TRERF1: variants seen among roughly 807,000 people sequenced by gnomAD.
The protein encoded by TRERF1 is transcriptional regulating factor 1, also known as transcriptional-regulating factor 1.
A neutral mutation model predicts 122.9 loss-of-function variants in TRERF1; 27 were observed. The ratio of observed to expected loss-of-function variants is 0.22; its 90% CI spans 0.16 to 0.30. TRERF1 has a LOEUF of 0.30. TRERF1 is among the 10% of genes least tolerant of loss of function. The pLI, the probability that TRERF1 is intolerant of heterozygous loss-of-function variation, is 1.00. For synonymous variants in TRERF1, 636 were observed against 641.7 expected (o/e 0.99, Z 0.13); for missense variants, 1,248 against 1,560.3 (o/e 0.80, Z 3.37).
At chr6:42,251,152 T>C (rs1775730916) in intron 13 of TRERF1, among the ~76,000 whole-genome samples, 1 of 152,030 alleles carries the variant, frequency 6.6e-6, no homozygotes, top group Non-Finnish European at 1.5e-5. Context: ...TGCACCACTA[T>C]GCCTGGCTAA....
chr6:42,395,384 T>C (rs1173722618), intron 2 of TRERF1, among the ~76,000 whole-genome samples: 1 of 152,160 alleles, frequency 6.6e-6, no homozygotes, highest in Non-Finnish European at 1.5e-5. Context: ...GATCTGGCTC[T>C]TGCAGTATTC....
chr6:42,264,634 T>C (rs918514108), intron 7 of TRERF1, 70 bp downstream of exon 7: 13 of 1,576,764 alleles, frequency 8.2e-6, no homozygotes, highest in Non-Finnish European at 1.1e-5. Flanking sequence ...CATCACTCTC[T>C]GTCTGACGGC....
At chr6:42,317,671 G>C (rs752582499) in intron 3 of TRERF1, among the ~76,000 whole-genome samples, 3 of 151,642 alleles carry the variant, frequency 2.0e-5, no homozygotes, top group African/African-American at 4.8e-5. Flanking sequence ...TAAAATAACA[G>C]TCTTCTCCAC....
At position 42,302,897 on chromosome 6, in the gene TRERF1, T is replaced by C. The variant is rs535020670; in HGVS notation, c.-370-2148A>G. ...AGAGGCGTGAGCTCTTGGAACTGCT[T>C]GTCTTATGGGCAAGAGTTTGTCTTA... On this transcript the variant is annotated intron_variant, in intron 3 of 17. Transcript: ENST00000372922. Among the ~76,000 whole-genome samples, 5 of 152,332 alleles carry C rather than the reference T, an allele frequency of 3.3e-5. No individual in the cohort carries two copies. In the South Asian group the frequency reaches 1.0e-3, roughly 32 times the overall value.
chr6:42,430,359 C>G (rs1314638901), intron 2 of TRERF1, among the ~76,000 whole-genome samples: 1 of 152,116 alleles, frequency 6.6e-6, no homozygotes, highest in Non-Finnish European at 1.5e-5. Context: ...CTACTGCCCC[C>G]CAAAATCAGT....
chr6:42,450,731 C>A (rs1788328206), intron 2 of TRERF1, among the ~76,000 whole-genome samples: 1 of 152,182 alleles, frequency 6.6e-6, no homozygotes. Context: ...AACAGGTTTA[C>A]CCCCTTACAC....
Position 42,259,761 on chromosome 6 carries a change from C to T in TRERF1, c.1885-38G>A. The T allele has an allele frequency of 6.3e-7, 1 of 1,598,624 alleles. No individual in the cohort carries two copies. The highest frequency in any genetic ancestry group is 8.5e-7 in the Non-Finnish European group (1 of 1,179,448). On this transcript the variant is annotated intron_variant, in intron 8 of 17. Transcript: ENST00000372922. This position sits in a 1 kb window ranked among gnomAD's most constrained non-coding sequence, Gnocchi z 4.9. ...CAACGATCTGATTCGAATACTTCAGCTTCCCCCGCAGGCCATTTCCACAGG... is the reference window on the plus strand; with the variant it reads ...CAACGATCTGATTCGAATACTTCAGTTTCCCCCGCAGGCCATTTCCACAGG...
intron 2 of TRERF1, among the ~76,000 whole-genome samples, chr6:42,374,226 G>A (rs557843276): frequency 6.6e-6 from 1 of 152,088 alleles, no homozygotes; most frequent in Admixed American, 6.5e-5. Context: ...GCCGGGGGCG[G>A]GTGTGTGCAG....
At position 42,276,657 on chromosome 6, in the gene TRERF1, C is replaced by A. The variant is rs528577307; in HGVS notation, c.-258-6809G>T. ...ATAATTCCAGTGGGTATTTTATAAT[C>A]CAGTAACCCGATTATTGTGGACATG... is the stretch of plus-strand genomic sequence containing the variant. On this transcript the variant is annotated intron_variant, in intron 4 of 17. Coordinates refer to ENST00000372922, the Ensembl canonical transcript of TRERF1. This position sits in a 1 kb window ranked among gnomAD's most constrained non-coding sequence, Gnocchi z 4.3. Among the ~76,000 whole-genome samples, 2 of 152,324 alleles carry A rather than the reference C, an allele frequency of 1.3e-5. No individual in the cohort carries two copies. The highest frequency in any genetic ancestry group is 6.5e-5 in the Admixed American group (1 of 15,300).
chr6:42,414,075 A>G (rs1781492074), intron 2 of TRERF1, among the ~76,000 whole-genome samples: 1 of 152,222 alleles, frequency 6.6e-6, no homozygotes, highest in Non-Finnish European at 1.5e-5. Context: ...TTCAGATAAT[A>G]ACTTTGAAAG....
At position 42,232,627 on chromosome 6, in the gene TRERF1, T is replaced by C. The variant is rs1410350425; in HGVS notation, c.3278+54A>G. ...TCAGGCCATCCTGGCCCAGCTCCCATAGAGCGACTACCCATCATGAACTCA... is the reference window on the plus strand; with the variant it reads ...TCAGGCCATCCTGGCCCAGCTCCCACAGAGCGACTACCCATCATGAACTCA... On this transcript the variant is annotated intron_variant, in intron 17 of 17. Coordinates refer to ENST00000372922, the Ensembl canonical transcript of TRERF1. This position sits in a 1 kb window ranked among gnomAD's most constrained non-coding sequence, Gnocchi z 4.5. 6 of 1,512,774 alleles carry C rather than the reference T, an allele frequency of 4.0e-6. No individual in the cohort carries two copies. The highest frequency in any genetic ancestry group is 2.1e-5 in the Admixed American group (1 of 47,240). The allele number at this position is 1,512,774 out of a possible 1,614,324, so 93.7% of individuals were successfully genotyped here.
intron 2 of TRERF1, among the ~76,000 whole-genome samples, chr6:42,409,957 T>C (rs1268714619): frequency 6.6e-6 from 1 of 152,220 alleles, no homozygotes. Context: ...TGTAATTATT[T>C]CCAGTATTTT....
Position 42,242,628 on chromosome 6 carries a change from T to C in TRERF1, c.2859+620A>G, listed in dbSNP as rs189877385. 9.8e-5 allele frequency among the ~76,000 whole-genome samples: 15 copies of C among 152,330 alleles called. No homozygotes were observed. In the South Asian group the frequency reaches 2.9e-3, roughly 29 times the overall value. On this transcript the variant is annotated intron_variant, in intron 15 of 17. Transcript: ENST00000372922. ...ACACATACAGGGTTCAGAGACTAGT[T>C]AGGTCTTCTTGTGTCTTTGGTACGT...
intron 14 of TRERF1, among the ~76,000 whole-genome samples, chr6:42,243,883 T>C (rs1276134505): frequency 1.3e-5 from 2 of 148,886 alleles, no homozygotes; most frequent in African/African-American, 5.0e-5. Flanking sequence ...CCCAGCCTTT[T>C]TTTTTTTTTT....
chr6:42,237,993 T>C (rs1231034679), intron 15 of TRERF1, among the ~76,000 whole-genome samples: 1 of 152,222 alleles, frequency 6.6e-6, no homozygotes, highest in Non-Finnish European at 1.5e-5. Context: ...TGAACACTGA[T>C]GTAGGCCTAG....
At chr6:42,442,334 AG>A (rs995626311) in intron 2 of TRERF1, among the ~76,000 whole-genome samples, 2 of 152,102 alleles carry the variant, frequency 1.3e-5, no homozygotes, top group African/African-American at 4.8e-5. Context: ...GGGAGGCCCT[AG>A]GAGCAGCCTC....
intron 2 of TRERF1, among the ~76,000 whole-genome samples, chr6:42,448,380 T>C (rs1392673372): frequency 1.3e-5 from 2 of 152,214 alleles, no homozygotes; most frequent in East Asian, 3.8e-4. Context: ...TGTTAGTGCA[T>C]AGAATTGAGA....
chr6:42,320,843 A>G (rs1032259977), intron 3 of TRERF1, among the ~76,000 whole-genome samples: 7 of 152,136 alleles, frequency 4.6e-5, no homozygotes, highest in African/African-American at 1.4e-4. Flanking sequence ...AACTTCAACA[A>G]TAAAGGGAAC....
At chr6:42,305,207 C>T (rs973845483) in intron 3 of TRERF1, among the ~76,000 whole-genome samples, 3 of 152,190 alleles carry the variant, frequency 2.0e-5, no homozygotes, top group Non-Finnish European at 4.4e-5. Context: ...AAATCCCATC[C>T]TCTTTATCCC....
Sources: gnomAD v4.1 joint callset for allele counts (sites outside exome capture counted in the v4.1 genomes callset) on GRCh38, gnomAD v4.1.1 for gene constraint, Gnocchi (gnomAD v3.1) non-coding constraint, MANE v1.5 for transcripts, NCBI Gene and HGNC (gene_info 2026-07-23, HGNC 2026-07-21) for gene names.